Variants in PCDH15 observed in about 807,000 individuals in gnomAD.
The protein encoded by PCDH15 is protocadherin-15.
PCDH15 carries 129 observed loss-of-function variants against 178.5 expected under a neutral mutation model. That is an observed-to-expected ratio of 0.72 (90% CI 0.63 to 0.84). PCDH15 has a LOEUF of 0.84. PCDH15 is among the 40% of genes least tolerant of loss of function. PCDH15 has a pLI of 0.00. For missense variants in PCDH15, 2,230 were observed against 2,099.9 expected, an observed-to-expected ratio of 1.06 and a Z score of -1.21; for synonymous variants, 800 against 732.0, an observed-to-expected ratio of 1.09 and a Z score of -1.50.
intron 2 of PCDH15, among the ~76,000 whole-genome samples, chr10:55,111,462 T>G (rs1837498968): frequency 6.6e-6 from 1 of 152,186 alleles, no homozygotes; most frequent in Non-Finnish European, 1.5e-5. Flanking sequence ...GTACTTCAAT[T>G]GAAAAGTTCA....
chr10:54,030,295 C>T (rs2093255735), intron 18 of PCDH15, among the ~76,000 whole-genome samples: 1 of 151,706 alleles, frequency 6.6e-6, no homozygotes, highest in Non-Finnish European at 1.5e-5. Flanking sequence ...GGCAGTGCAT[C>T]CTTCATGACA....
intron 2 of PCDH15, among the ~76,000 whole-genome samples, chr10:55,582,628 A>ATATATATATATATATTTT (rs780312007): frequency 5.8e-5 from 4 of 69,040 alleles, no homozygotes; most frequent in African/African-American, 2.7e-4. Flanking sequence ...ATATATATAT[A>ATATATATATATATATTTT]TTTTTTTTTT....
rs946728133 is a variant in PCDH15 at position 55,416,039 on chromosome 10, A to T, written c.-156+211586T>A. Among the ~76,000 whole-genome samples the T allele has an allele frequency of 7.9e-3, 967 of 123,056 alleles. 4 individuals carry two copies. The highest frequency in any genetic ancestry group is 0.013 in the Non-Finnish European group (724 of 57,598). 80.7% of individuals were successfully genotyped at this position (123,056 alleles called of 152,430 possible). A position where few individuals can be genotyped will look rare whatever the true frequency, so the allele number is the denominator to read the frequency against. On this transcript the variant is annotated intron_variant, in intron 2 of 5. Coordinates refer to the PCDH15 transcript ENST00000613346. ...TGTTAAAAGCTTTTAAGGCAAAAAAACAAACAAACAAGCAAACAAACAAAC... is the reference window on the plus strand; with the variant it reads ...TGTTAAAAGCTTTTAAGGCAAAAAATCAAACAAACAAGCAAACAAACAAAC...
At chr10:55,003,908 G>T (rs1340901847) in intron 2 of PCDH15, among the ~76,000 whole-genome samples, 4 of 152,184 alleles carry the variant, frequency 2.6e-5, no homozygotes, top group Non-Finnish European at 5.9e-5. Flanking sequence ...GAGAAAAAGG[G>T]GTTCACTGAA....
intron 3 of PCDH15, among the ~76,000 whole-genome samples, chr10:54,851,059 T>C (rs1029685614): frequency 6.6e-6 from 1 of 152,168 alleles, no homozygotes; most frequent in Non-Finnish European, 1.5e-5. Flanking sequence ...TGATCATAAA[T>C]ATGATCTTTT....
At chr10:54,873,973 T>TTTA (rs1326010982) in intron 3 of PCDH15, among the ~76,000 whole-genome samples, 3 of 149,534 alleles carry the variant, frequency 2.0e-5, no homozygotes, top group Non-Finnish European at 4.5e-5. Context: ...TATTTATTTA[T>TTTA]TTATTATTAT....
intron 2 of PCDH15, among the ~76,000 whole-genome samples, chr10:55,389,478 AATG>A (rs1837741283): frequency 6.6e-6 from 1 of 152,158 alleles, no homozygotes; most frequent in Admixed American, 6.6e-5. Context: ...TGAGACATAA[AATG>A]ATGGTTAATA....
intron 1 of PCDH15, among the ~76,000 whole-genome samples, chr10:55,233,154 T>C (rs1290475737): frequency 6.6e-6 from 1 of 152,114 alleles, no homozygotes; most frequent in African/African-American, 2.4e-5. Flanking sequence ...TACTTCTATA[T>C]TAACTAAAAA....
chr10:54,308,685 C>A (rs60980776), intron 8 of PCDH15, among the ~76,000 whole-genome samples: 32,044 of 151,854 alleles, frequency 0.21, 3,453 homozygotes, highest in Admixed American at 0.24. Flanking sequence ...GCAGAACGTG[C>A]AGGTTTGTAA....
At chr10:55,068,843 G>C (rs772408721) in intron 2 of PCDH15, among the ~76,000 whole-genome samples, 44 of 151,568 alleles carry the variant, frequency 2.9e-4, no homozygotes, top group Non-Finnish European at 5.5e-4. Context: ...AAATTTATGA[G>C]TAAGTTCTCT....
chr10:54,432,948 A>T lies in PCDH15; in HGVS notation c.158-54006T>A, dbSNP rs1182648667. On this transcript the variant is annotated intron_variant, in intron 3 of 37. Transcript: ENST00000644397. ...ATTTCTCAAAAGAAGACATACAAAT[A>T]GCAAACGGGAACATGAGGAGGTGCT... 4.6e-5 allele frequency among the ~76,000 whole-genome samples: 7 copies of T among 152,324 alleles called. No homozygotes were observed. The East Asian group carries it at 7.7e-4, about 17-fold the overall frequency.
Position 53,827,506 on chromosome 10 carries a change from T to A in PCDH15, c.4254A>T (p.Ala1418=). 6.2e-7 allele frequency: 1 copy of A among 1,614,086 alleles called. No homozygotes were observed. Among genetic ancestry groups the A allele is most frequent in the South Asian group, 1.1e-5 (1 of 91,090 alleles). Residue 1418 remains alanine, a synonymous_variant, in exon 32 of 38, where the codon GCA becomes GCT. Coordinates refer to ENST00000644397, the MANE Select transcript of PCDH15 (RefSeq NM_001384140.1). ...ECTKTARIQA[A]LPAAKPAVPA... is the part of the protein sequence containing the mutation. ...GCACTGCTGGTTTAGCCGCGGGTAA[T>A]GCGGCCTGAATTCGTGCAGTCTTTG...
intron 2 of PCDH15, among the ~76,000 whole-genome samples, chr10:54,616,377 A>G (rs2093155044): frequency 6.6e-6 from 1 of 152,096 alleles, no homozygotes; most frequent in South Asian, 2.1e-4. Flanking sequence ...AGGAACTTTT[A>G]AATCAGTGAA....
chr10:54,527,982 C>T lies in PCDH15; in HGVS notation c.92-105G>A, dbSNP rs951590335. The T allele has an allele frequency of 5.7e-6, 5 of 883,820 alleles. No individual in the cohort carries two copies. In the African/African-American group the frequency reaches 8.5e-5, roughly 15 times the overall value. The allele number at this position is 883,820 out of a possible 1,614,324, so 54.7% of individuals were successfully genotyped here. A position where few individuals can be genotyped will look rare whatever the true frequency, so the allele number is the denominator to read the frequency against. ...TTAATATTTAAAAAGGAAAATCTTG[C>T]AATCTAATTAATATGCATCACTACA... On this transcript the variant is annotated intron_variant, in intron 2 of 37. Transcript: ENST00000644397.
At chr10:55,495,073 C>A (rs1265762735) in intron 2 of PCDH15, among the ~76,000 whole-genome samples, 1 of 151,482 alleles carries the variant, frequency 6.6e-6, no homozygotes, top group African/African-American at 2.4e-5. Context: ...GACATTGGAC[C>A]CCTATCAAAC....
At position 54,079,319 on chromosome 10, in the gene PCDH15, G is replaced by A. The variant is rs1399787909; in HGVS notation, c.2091+12C>T. The A allele has an allele frequency of 1.2e-6, 2 of 1,611,986 alleles. No individual in the cohort carries two copies. The highest frequency in any genetic ancestry group is 2.2e-5 in the East Asian group (1 of 44,868). ...ACTATTTTTAAAACCCCTTCACAGGGAGCATACTCACCCCATCTGGCCTGC... is the reference window on the plus strand; with the variant it reads ...ACTATTTTTAAAACCCCTTCACAGGAAGCATACTCACCCCATCTGGCCTGC... On this transcript the variant is annotated intron_variant, in intron 17 of 37. Transcript: ENST00000644397.
chr10:54,919,610 T>C (rs934201105), intron 2 of PCDH15, among the ~76,000 whole-genome samples: 2 of 152,178 alleles, frequency 1.3e-5, no homozygotes, highest in African/African-American at 4.8e-5. Flanking sequence ...ATTTTTGGTG[T>C]TTTTCTGTTT....
chr10:54,730,298 A>G (rs989714523), intron 1 of PCDH15, among the ~76,000 whole-genome samples: 1 of 151,700 alleles, frequency 6.6e-6, no homozygotes, highest in Admixed American at 6.6e-5. Flanking sequence ...TAATGCAGAA[A>G]CAGAAAACCA....
At chr10:55,223,673 A>C (rs930209891) in intron 1 of PCDH15, among the ~76,000 whole-genome samples, 3 of 152,118 alleles carry the variant, frequency 2.0e-5, no homozygotes, top group Non-Finnish European at 4.4e-5. Context: ...TACACAAGCA[A>C]GTTATCAACA....
Sources: allele counts gnomAD v4.1 joint callset (sites outside exome capture counted in the v4.1 genomes callset), GRCh38; gene constraint gnomAD v4.1.1; transcripts MANE v1.5; gene names NCBI Gene and HGNC (gene_info 2026-07-23, HGNC 2026-07-21).